The following TTN variants were observed in gnomAD, a reference collection of about 807,000 sequenced individuals.
TTN encodes connectin.
Under a neutral mutation model 3,223.0 loss-of-function variants are expected in TTN, and 1,525 were observed. The ratio of observed to expected loss-of-function variants is 0.47; its 90% CI spans 0.45 to 0.49. The LOEUF is 0.49. Among genes scored for constraint, TTN ranks in the 20% least tolerant of loss-of-function variants. The probability of loss-of-function intolerance (pLI) is 0.00; values close to 1 mark genes in which losing one functional copy is unlikely to be tolerated. For missense variants in TTN, 40,786 were observed against 43,424.0 expected (o/e 0.94, Z 5.40); for synonymous variants, 14,094 against 15,161.0 (o/e 0.93, Z 5.17).
chr2:178,561,258 T>G lies in TTN; in HGVS notation c.84874A>C (p.Arg28292=). 6.2e-7 allele frequency: 1 copy of G among 1,613,774 alleles called. No homozygotes were observed. Among genetic ancestry groups the G allele is most frequent in the Non-Finnish European group, 8.5e-7 (1 of 1,179,798 alleles). ...AKITGYIVER[R]ELPDGRWLKC... is the part of the protein sequence containing the mutation. ...AGCCACCGGCCATCTGGTAGTTCTCTGCGTTCAACAATGTATCCTGTGATC... is the reference window on the plus strand; with the variant it reads ...AGCCACCGGCCATCTGGTAGTTCTCGGCGTTCAACAATGTATCCTGTGATC... The change falls in exon 326 of 363, where the codon AGA becomes CGA. Residue 28292 remains arginine (R), a synonymous_variant. Transcript: ENST00000589042.
Position 178,564,757 on chromosome 2 carries a change from G to C in TTN, c.81375C>G (p.Thr27125=). The C allele has an allele frequency of 6.2e-7, 1 of 1,612,370 alleles. No homozygotes were observed. The highest frequency in any genetic ancestry group is 1.7e-4 in the Middle Eastern group (1 of 6,052). The change falls in exon 326 of 363, where the codon ACC becomes ACG. Residue 27125 remains threonine, a synonymous_variant. Transcript: ENST00000589042. ...TTTTGAATTTGGTGTCCTGAATGGGGGTCTTATTTAACTTGACCCATAAAA... is the reference window on the plus strand; with the variant it reads ...TTTTGAATTTGGTGTCCTGAATGGGCGTCTTATTTAACTTGACCCATAAAA... ...NSILWVKLNK[T]PIQDTKFKTT...
At position 178,724,110 on chromosome 2, in the gene TTN, A is replaced by G; in HGVS notation, c.21149T>C (p.Leu7050Pro). Residue 7050 changes from leucine (L) to proline (P), a missense_variant, in exon 73 of 363, where the codon CTG becomes CCG. Leu to Pro is a moderately conservative substitution (Grantham distance 98). Transcript: ENST00000589042. ...RAVPPSFTRR[L>P]KNTGGVLGAS... is the part of the protein sequence containing the mutation. ...ACCTAACACCCCACCAGTATTTTTC[A>G]GTCTTCGTGTGAAAGAGGGAGGAAC... The G allele has an allele frequency of 6.2e-7, 1 of 1,612,670 alleles. No individual in the cohort carries two copies. Among genetic ancestry groups the G allele is most frequent in the Non-Finnish European group, 8.5e-7 (1 of 1,179,056 alleles).
At chr2:178,727,060 T>G (rs2079463774) in intron 69 of TTN, 30 bp downstream of exon 69, 1 of 1,416,162 alleles carries the variant, frequency 7.1e-7, no homozygotes, top group East Asian at 2.5e-5. Flanking sequence ...GGTTTTCATT[T>G]AATGAGAAAC....
In TTN at chr2:178,567,221, C is replaced by T. The variant is rs1706246762; in HGVS notation, c.78911G>A (p.Cys26304Tyr). 6.2e-7 allele frequency: 1 copy of T among 1,609,240 alleles called. No homozygotes were observed. Among genetic ancestry groups the T allele is most frequent in the Non-Finnish European group, 8.5e-7 (1 of 1,177,238 alleles). The stretch of plus-strand genomic sequence containing the variant: ...AAGTGGTGGAGACCATGTTAAAGAG[C>T]ATTTTTCAGAAGTGACTCCAGTAAC... ...VQVTGVTSEKCSLTWSPPLQD... is the reference protein window; with the variant it reads ...VQVTGVTSEKYSLTWSPPLQD... Residue 26304 changes from cysteine (C) to tyrosine (Y), a missense_variant, in exon 326 of 363, where the codon TGC (cysteine) becomes TAC (tyrosine). Coordinates refer to ENST00000589042, the MANE Select transcript of TTN (RefSeq NM_001267550.2).
chr2:178,613,994 A>G, intron 262 of TTN, 57 bp from the exon 263 acceptor site: 3 of 1,609,318 alleles, frequency 1.9e-6, no homozygotes, highest in Non-Finnish European at 1.7e-6. Context: ...ATATGACACC[A>G]AAATGCAAGT....
Position 178,693,982 on chromosome 2 carries a change from C to T in TTN, c.31453G>A (p.Val10485Ile). 1.2e-6 allele frequency: 2 copies of T among 1,612,294 alleles called. No individual in the cohort carries two copies. The highest frequency in any genetic ancestry group is 1.7e-6 in the Non-Finnish European group (2 of 1,178,980). ...AAGAACATCTTTTCTTCTGAAATAA[C>T]CATCTTCTTTGTATGCACAGCTGGT... ...KVPAVHTKKM[V>I]ISEEKMFFAS... Residue 10485 changes from valine (V) to isoleucine (I), a missense_variant, in exon 118 of 363, where the codon GTT becomes ATT. Coordinates refer to ENST00000589042, the MANE Select transcript of TTN (RefSeq NM_001267550.2).
In TTN at chr2:178,548,774, C is replaced by A; in HGVS notation, c.92852G>T (p.Gly30951Val). ...ASIRLFIAYQ[G>V]RPTPTAVWSK... ...CCACACAGCTGTAGGAGTAGGTCTA[C>A]CTTGGTAGGCAATGAAGAGGCGAAT... Residue 30951 changes from glycine to valine, a missense_variant, in exon 339 of 363, where the codon GGT becomes GTT. By Grantham distance (109) the Gly-to-Val change is moderately radical (BLOSUM62 -3). Transcript: ENST00000589042. The surrounding 1 kb of genome is among the most constrained non-coding windows in gnomAD (Gnocchi z 4.3). The A allele has an allele frequency of 6.2e-7, 1 of 1,613,212 alleles. No individual in the cohort carries two copies. The highest frequency in any genetic ancestry group is 1.7e-4 in the Middle Eastern group (1 of 6,060).
rs879180534 is a variant in TTN at position 178,613,014 on chromosome 2, C to A, written c.49707G>T (p.Arg16569Ser). The A allele has an allele frequency of 7.4e-6, 12 of 1,612,676 alleles. No homozygotes were observed. The highest frequency in any genetic ancestry group is 8.5e-6 in the Non-Finnish European group (10 of 1,179,254). Residue 16569 changes from arginine to serine, a missense_variant, in exon 265 of 363, where the codon AGG becomes AGT. Physicochemically the swap from Arg to Ser is moderately radical, Grantham distance 110. Transcript: ENST00000589042. Reference sequence around the variant, plus strand: ...CATGTTCTGGTTTTGTCCAATTCAACCTTACTGATGTTTTGCCTACATCTT... The same window carrying A: ...CATGTTCTGGTTTTGTCCAATTCAAACTTACTGATGTTTTGCCTACATCTT... ...TVKDVGKTSV[R>S]LNWTKPEHDG...
intron 47 of TTN, chr2:178,749,720 C>CA: frequency 6.2e-7 from 1 of 1,612,950 alleles, no homozygotes; most frequent in Non-Finnish European, 8.5e-7. Flanking sequence ...TTTATATTTT[C>CA]CAGAATCTTG....
At chr2:178,671,246 A>G in intron 155 of TTN, 76 bp from the exon 156 acceptor site, 1 of 977,310 alleles carries the variant, frequency 1.0e-6, no homozygotes, top group East Asian at 3.0e-5. Flanking sequence ...CGTTAGTACA[A>G]TGAGGGGTCA....
chr2:178,633,177 C>G lies in TTN; in HGVS notation c.43086+10G>C. ...CCCCTCTCCTATATAATTAGCTAAT[C>G]TTGACTTACAGGGGAAGCTGTCAAA... On this transcript the variant is annotated intron_variant, in intron 233 of 362. Transcript: ENST00000589042. 1 of 1,609,498 alleles carries G rather than the reference C, an allele frequency of 6.2e-7. No individual in the cohort carries two copies. The highest frequency in any genetic ancestry group is 8.5e-7 in the Non-Finnish European group (1 of 1,177,160).
Position 178,591,626 on chromosome 2 carries a change from T to G in TTN, c.60193A>C (p.Ile20065Leu). Residue 20065 changes from isoleucine to leucine, a missense_variant, in exon 303 of 363, where the codon ATC becomes CTC. Coordinates refer to ENST00000589042, the MANE Select transcript of TTN (RefSeq NM_001267550.2). ...AGTTTTTCTTGACATTCTATCGGGA[T>G]AGTTGTGTCAGGGAGACCAAGACCC... ...IVGLGLPDTTIPIECQEKLVP... is the reference protein window; with the variant it reads ...IVGLGLPDTTLPIECQEKLVP... The G allele has an allele frequency of 6.2e-7, 1 of 1,613,374 alleles. No individual in the cohort carries two copies. Among genetic ancestry groups the G allele is most frequent in the Non-Finnish European group, 8.5e-7 (1 of 1,179,534 alleles).
chr2:178,605,284 T>C lies in TTN; in HGVS notation c.53893A>G (p.Ile17965Val). 1 of 1,582,524 alleles carries C rather than the reference T, an allele frequency of 6.3e-7. No individual in the cohort carries two copies. The highest frequency in any genetic ancestry group is 1.4e-5 in the African/African-American group (1 of 73,768). Residue 17965 changes from isoleucine (I) to valine (V), a missense_variant, in exon 280 of 363, where the codon ATT (isoleucine) becomes GTT (valine). Transcript: ENST00000589042. ...CCTCGAACACTCAGACGCAACTTAA[T>C]AGTTGGAGGCACTGCAAAGAGAAGA... ...VIQDDEVPPT[I>V]KLRLSVRGDT...
intron 43 of TTN, 46 bp from the exon 44 acceptor site, chr2:178,759,218 G>C: frequency 6.3e-7 from 1 of 1,594,184 alleles, no homozygotes; most frequent in East Asian, 2.2e-5. Flanking sequence ...AAAATGAGTG[G>C]ATTTTTACAA....
At chr2:178,799,348 G>A in intron 6 of TTN, 139 bp downstream of exon 6, 2 of 1,333,650 alleles carry the variant, frequency 1.5e-6, no homozygotes, top group Non-Finnish European at 2.1e-6. Context: ...TGCTCCCCTA[G>A]AGGTTTGAGC....
chr2:178,800,795 A>G, intron 3 of TTN, 113 bp from the exon 4 acceptor site: 1 of 1,242,764 alleles, frequency 8.0e-7, no homozygotes, highest in Non-Finnish European at 1.1e-6. Context: ...GCCAATCTAA[A>G]CATCCTTGAA....
chr2:178,681,212 C>A, intron 137 of TTN, 41 bp from the exon 138 acceptor site: 1 of 1,532,732 alleles, frequency 6.5e-7, no homozygotes, highest in South Asian at 1.2e-5. Flanking sequence ...AAAACCAACT[C>A]CTTGAATACT....
rs745674891 is a variant in TTN, at chr2:178,693,675, T to C, written c.31528A>G (p.Lys10510Glu). The C allele has an allele frequency of 6.3e-7, 1 of 1,599,254 alleles. No homozygotes were observed. Among genetic ancestry groups the C allele is most frequent in the East Asian group, 2.2e-5 (1 of 44,580 alleles). ...ATTTTCTCTTCAGTAACAATTTCCTTTTGTACCTCGGGGACTTAAAAAAAT... is the reference window on the plus strand; with the variant it reads ...ATTTTCTCTTCAGTAACAATTTCCTCTTGTACCTCGGGGACTTAAAAAAAT... ...EVSVTVPEVQKEIVTEEKIHV... is the reference protein window; with the variant it reads ...EVSVTVPEVQEEIVTEEKIHV... The change falls in exon 119 of 363, where the codon AAG (lysine) becomes GAG (glutamate). Residue 10510 changes from lysine to glutamate, a missense_variant. Physicochemically the swap from Lys to Glu is moderately conservative, Grantham distance 56 (BLOSUM62 1). Transcript: ENST00000589042.
chr2:178,590,154 T>C lies in TTN; in HGVS notation c.61571A>G (p.Asp20524Gly). 6.2e-7 allele frequency: 1 copy of C among 1,613,164 alleles called. No individual in the cohort carries two copies. The highest frequency in any genetic ancestry group is 8.5e-7 in the Non-Finnish European group (1 of 1,179,458). The change falls in exon 304 of 363, where the codon GAC becomes GGC. Residue 20524 changes from aspartate to glycine, a missense_variant. Asp to Gly is a moderately conservative substitution (Grantham distance 94). Transcript: ENST00000589042. ...GKVLVREKRV[D>G]LIQDLPRVEL... ...AACACGAGGTAGATCCTGAATAAGGTCCACCCTCTTTTCTCGGACCAATAC... is the reference window on the plus strand; with the variant it reads ...AACACGAGGTAGATCCTGAATAAGGCCCACCCTCTTTTCTCGGACCAATAC...
Sources: allele counts gnomAD v4.1 joint callset, GRCh38; gene constraint gnomAD v4.1.1; non-coding constraint Gnocchi (gnomAD v3.1); transcripts MANE v1.5; gene names NCBI Gene and HGNC (gene_info 2026-07-23, HGNC 2026-07-21).